CHCHD6: variants seen among roughly 807,000 people sequenced by gnomAD.
CHCHD6 encodes the protein coiled-coil-helix-coiled-coil-helix domain containing 6.
CHCHD6 carries 28 observed loss-of-function variants against 32.3 expected under a neutral mutation model. That is an observed-to-expected ratio of 0.87 (90% confidence interval 0.64 to 1.19). The LOEUF (loss-of-function observed/expected upper bound fraction) is 1.19. CHCHD6 is among the 50% of genes most tolerant of loss of function. The pLI, the probability that CHCHD6 is intolerant of heterozygous loss-of-function variation, is 0.00. For synonymous variants in CHCHD6, 122 were observed against 117.5 expected (o/e 1.04, Z -0.25); for missense variants, 333 against 307.0 (o/e 1.08, Z -0.63).
In CHCHD6 at chr3:126,913,207, C is replaced by CTTTTTTTTT. The variant is rs546179022; in HGVS notation, c.496-1444_496-1436dup. ...GGATAATCATGCTGCCCGTATGAGC[C>CTTTTTTTTT]TTTTTTTTTTTTTTTTTTTTTTTTT... On this transcript the variant is annotated intron_variant, in intron 5 of 7. Coordinates refer to ENST00000290913, the MANE Select transcript of CHCHD6 (RefSeq NM_032343.3). Among the ~76,000 whole-genome samples, 12 of 33,786 alleles carry CTTTTTTTTT rather than the reference C, an allele frequency of 3.6e-4. 4 individuals carry two copies. The highest frequency in any genetic ancestry group is 1.2e-3 in the African/African-American group (9 of 7,642). 22.2% of individuals were successfully genotyped at this position (33,786 alleles called of 152,430 possible).
At chr3:126,717,670 G>A (rs1365917005) in intron 1 of CHCHD6, among the ~76,000 whole-genome samples, 1 of 152,230 alleles carries the variant, frequency 6.6e-6, no homozygotes, top group Non-Finnish European at 1.5e-5. Context: ...GCTTTTGGGT[G>A]AGGCTGGCAT....
chr3:126,880,082 G>T (rs1269223646), intron 5 of CHCHD6, among the ~76,000 whole-genome samples: 1 of 152,180 alleles, frequency 6.6e-6, no homozygotes, highest in African/African-American at 2.4e-5. Flanking sequence ...GTAGCCATCA[G>T]CTCTGCTCTC....
At chr3:126,794,405 G>T (rs1022992217) in intron 4 of CHCHD6, among the ~76,000 whole-genome samples, 8 of 147,238 alleles carry the variant, frequency 5.4e-5, no homozygotes, top group Admixed American at 4.8e-4. Flanking sequence ...ATTTTTAAAA[G>T]TATAGTTTGT....
chr3:126,799,922 T>G (rs772064342), intron 4 of CHCHD6, among the ~76,000 whole-genome samples: 1 of 152,224 alleles, frequency 6.6e-6, no homozygotes, highest in Non-Finnish European at 1.5e-5. Context: ...TGGATATTTT[T>G]CATGTCTGTA....
At chr3:126,766,106 G>A (rs1454505552) in intron 4 of CHCHD6, among the ~76,000 whole-genome samples, 2 of 151,922 alleles carry the variant, frequency 1.3e-5, no homozygotes, top group Non-Finnish European at 2.9e-5. Flanking sequence ...GGGGTGTTTT[G>A]GGGAGTGTAT....
chr3:126,855,420 C>T (rs977932890), intron 5 of CHCHD6, among the ~76,000 whole-genome samples: 2 of 152,168 alleles, frequency 1.3e-5, no homozygotes, highest in African/African-American at 4.8e-5. Context: ...AGTGTTGGTG[C>T]GTGCTGGGCG....
In CHCHD6 at chr3:126,730,546, C is replaced by G. The variant is rs747822977; in HGVS notation, c.197-15C>G. ...GGGTGCCACTGACAGGCCCTTTCTT[C>G]TCTTTCCTTTGCAGAATCCACACTG... On this transcript the variant is annotated splice_polypyrimidine_tract_variant and intron_variant, in intron 2 of 7. Coordinates refer to ENST00000290913, the MANE Select transcript of CHCHD6 (RefSeq NM_032343.3). 6.2e-7 allele frequency: 1 copy of G among 1,612,422 alleles called. No individual in the cohort carries two copies. The highest frequency in any genetic ancestry group is 8.5e-7 in the Non-Finnish European group (1 of 1,179,052).
intron 4 of CHCHD6, among the ~76,000 whole-genome samples, chr3:126,766,226 A>T (rs1937365011): frequency 6.6e-6 from 1 of 152,212 alleles, no homozygotes; most frequent in Admixed American, 6.5e-5. Flanking sequence ...ATTCGACATT[A>T]AAGGGAAAAA....
chr3:126,728,264 G>A (rs1390110670), intron 2 of CHCHD6, among the ~76,000 whole-genome samples: 1 of 152,190 alleles, frequency 6.6e-6, no homozygotes, highest in Non-Finnish European at 1.5e-5. Flanking sequence ...TGGTTATGGA[G>A]ACTGATGAGT....
chr3:126,911,992 T>TG (rs1202324140), intron 5 of CHCHD6, among the ~76,000 whole-genome samples: 1 of 152,108 alleles, frequency 6.6e-6, no homozygotes, highest in Admixed American at 6.5e-5. Flanking sequence ...GGATGAATTG[T>TG]GGGGGGCGGG....
At chr3:126,859,854 A>C (rs560864177) in intron 5 of CHCHD6, among the ~76,000 whole-genome samples, 57 of 152,336 alleles carry the variant, frequency 3.7e-4, no homozygotes, top group Admixed American at 1.2e-3. Context: ...TGTCAGAGAC[A>C]TTGAGGACGA....
At chr3:126,717,874 C>T (rs1935094260) in intron 1 of CHCHD6, among the ~76,000 whole-genome samples, 1 of 152,164 alleles carries the variant, frequency 6.6e-6, no homozygotes, top group Admixed American at 6.5e-5. Context: ...TGCACGCGTT[C>T]CCCCTCCATC....
intron 6 of CHCHD6, chr3:126,935,124 T>C (rs2078460547): frequency 1.0e-6 from 1 of 987,660 alleles, no homozygotes; most frequent in Non-Finnish European, 1.2e-6. Flanking sequence ...AATCACCTGC[T>C]GTCTCCGGCC....
rs892824078 is a variant in CHCHD6, at chr3:126,934,580, G to A, written c.566+19830G>A. 8.0e-5 allele frequency among the ~76,000 whole-genome samples: 9 copies of A among 111,852 alleles called. 1 individual carries two copies. Among genetic ancestry groups the A allele is most frequent in the East Asian group, 5.7e-4 (2 of 3,494 alleles). 73.4% of individuals were successfully genotyped at this position (111,852 alleles called of 152,430 possible). On this transcript the variant is annotated intron_variant, in intron 6 of 7. Coordinates refer to ENST00000290913, the MANE Select transcript of CHCHD6 (RefSeq NM_032343.3). ...TTTTTTTTTTTTGAGACTGAGTCTCGCTCTGTCGCCCAGGCTGGAGTGCAG... is the reference window on the plus strand; with the variant it reads ...TTTTTTTTTTTTGAGACTGAGTCTCACTCTGTCGCCCAGGCTGGAGTGCAG...
rs1272156948 is a variant in CHCHD6 at position 126,787,586 on chromosome 3, A to T, written c.411+54364A>T. 1.4e-4 allele frequency among the ~76,000 whole-genome samples: 21 copies of T among 152,310 alleles called. No individual in the cohort carries two copies. In the South Asian group the frequency reaches 3.7e-3, roughly 27 times the overall value. On this transcript the variant is annotated intron_variant, in intron 4 of 7. Coordinates refer to ENST00000290913, the MANE Select transcript of CHCHD6 (RefSeq NM_032343.3). The stretch of plus-strand genomic sequence containing the variant: ...CTAGGTATTTTATTCTCTTTGAAGC[A>T]ATTGTGAATGGTAGTTCACTCATGA...
intron 5 of CHCHD6, among the ~76,000 whole-genome samples, chr3:126,882,696 T>C (rs1015925332): frequency 6.6e-5 from 10 of 152,206 alleles, no homozygotes; most frequent in African/African-American, 1.9e-4. Flanking sequence ...TGAACCTTTC[T>C]AAGGCAATTA....
chr3:126,930,078 A>G (rs2078382187), intron 6 of CHCHD6, among the ~76,000 whole-genome samples: 1 of 152,150 alleles, frequency 6.6e-6, no homozygotes, highest in South Asian at 2.1e-4. Flanking sequence ...CCTCTCTAAT[A>G]ATGTAGGAAG....
At chr3:126,915,089 G>A (rs2078150124) in intron 6 of CHCHD6, among the ~76,000 whole-genome samples, 1 of 152,240 alleles carries the variant, frequency 6.6e-6, no homozygotes, top group Non-Finnish European at 1.5e-5. Flanking sequence ...AGGAGTTGAG[G>A]CAGGGGTTCT....
intron 5 of CHCHD6, among the ~76,000 whole-genome samples, chr3:126,893,719 A>G (rs908560928): frequency 6.6e-6 from 1 of 152,226 alleles, no homozygotes; most frequent in African/African-American, 2.4e-5. Flanking sequence ...TAGTTAAAAC[A>G]TGGCTTGATT....
Sources: allele counts gnomAD v4.1 joint callset (sites outside exome capture counted in the v4.1 genomes callset), GRCh38; gene constraint gnomAD v4.1.1; transcripts MANE v1.5; gene names NCBI Gene and HGNC (gene_info 2026-07-23, HGNC 2026-07-21).